Variants in PDYN observed in about 807,000 individuals in gnomAD.
PDYN encodes proenkephalin-B.
Under a neutral mutation model 11.4 loss-of-function variants are expected in PDYN, and 5 were observed. The ratio of observed to expected loss-of-function variants is 0.44; its 90% CI spans 0.23 to 0.92. The LOEUF (loss-of-function observed/expected upper bound fraction) is 0.92, where lower values mean the gene tolerates loss of function less well. Among genes scored for constraint, PDYN ranks in the 40% least tolerant of loss-of-function variants. The pLI, the probability that PDYN is intolerant of heterozygous loss-of-function variation, is 0.24. For missense variants in PDYN, 337 were observed against 317.3 expected (o/e 1.06, Z -0.47); for synonymous variants, 132 against 129.5 (o/e 1.02, Z -0.13).
At chr20:1,993,177 C>T (rs1410692843) in intron 1 of PDYN, among the ~76,000 whole-genome samples, 3 of 151,630 alleles carry the variant, frequency 2.0e-5, no homozygotes, top group Admixed American at 6.6e-5. Flanking sequence ...CTTTGAGCCT[C>T]CTCCTGGCCT....
chr20:1,979,534 C>G lies in PDYN; in HGVS notation c.*789G>C, dbSNP rs768761785. The G allele has an allele frequency of 1.3e-5, 2 of 152,490 alleles. No homozygotes were observed. The highest frequency in any genetic ancestry group is 3.9e-4 in the East Asian group (2 of 5,184). The allele number at this position is 152,490 out of a possible 1,614,324, so 9.4% of individuals were successfully genotyped here. A position where few individuals can be genotyped will look rare whatever the true frequency, so the allele number is the denominator to read the frequency against. On this transcript the variant is annotated 3_prime_UTR_variant, in exon 4 of 4. Coordinates refer to ENST00000217305, the MANE Select transcript of PDYN (RefSeq NM_024411.5). ...TCATTTAAGCATTCAAGAGGCTGCT[C>G]TCAATCATTTCCGAAAGAGGTTTTC...
Position 1,979,938 on chromosome 20 carries a change from T to C in PDYN, c.*385A>G, listed in dbSNP as rs1348897002. The C allele has an allele frequency of 6.3e-6, 2 of 316,208 alleles. No individual in the cohort carries two copies. Among genetic ancestry groups the C allele is most frequent in the African/African-American group, 2.1e-5 (1 of 46,894 alleles). The allele number at this position is 316,208 out of a possible 1,614,324, so 19.6% of individuals were successfully genotyped here. A position where few individuals can be genotyped will look rare whatever the true frequency, so the allele number is the denominator to read the frequency against. On this transcript the variant is annotated 3_prime_UTR_variant, in exon 4 of 4. Coordinates refer to ENST00000217305, the MANE Select transcript of PDYN (RefSeq NM_024411.5). ...TCTTCTAAGAGGGGCATGTGATCTG[T>C]TAAGTTTGGACATCATAGACCTACA...
intron 2 of PDYN, among the ~76,000 whole-genome samples, chr20:1,989,844 T>C (rs1988355086): frequency 6.6e-6 from 1 of 152,192 alleles, no homozygotes; most frequent in Non-Finnish European, 1.5e-5. Flanking sequence ...TCAATGACCC[T>C]GCAATGACAA....
chr20:1,990,364 T>C (rs1988379879), intron 2 of PDYN, among the ~76,000 whole-genome samples: 1 of 152,208 alleles, frequency 6.6e-6, no homozygotes, highest in South Asian at 2.1e-4. Context: ...TTTCAGAAGC[T>C]TTTGCCCCAC....
chr20:1,993,469 G>C (rs1422720627), intron 1 of PDYN, among the ~76,000 whole-genome samples: 2 of 152,280 alleles, frequency 1.3e-5, no homozygotes, highest in Admixed American at 1.3e-4. Context: ...CCAGAGCCTT[G>C]GATCTCATTA....
rs1188732419 is a variant in PDYN at position 1,980,665 on chromosome 20, T to C, written c.423A>G (p.Ala141=). The change falls in exon 4 of 4, where the codon GCA becomes GCG. Residue 141 remains alanine, a synonymous_variant. Transcript: ENST00000217305. ...RGLSDGFREG[A]ESELMRDAQL... ...GGGCATCCCTCATCAGCTCAGACTC[T>C]GCTCCCTCCCTAAACCCGTCAGAGA... 6.2e-7 allele frequency: 1 copy of C among 1,614,098 alleles called. No homozygotes were observed. Among genetic ancestry groups the C allele is most frequent in the Non-Finnish European group, 8.5e-7 (1 of 1,180,050 alleles).
intron 2 of PDYN, among the ~76,000 whole-genome samples, chr20:1,990,993 T>C (rs1485317748): frequency 8.8e-6 from 1 of 113,512 alleles, no homozygotes; most frequent in Non-Finnish European, 1.8e-5. Context: ...AGAGGACAAA[T>C]GGGAATAGAA....
chr20:1,985,703 G>A (rs60925214), intron 2 of PDYN, among the ~76,000 whole-genome samples: 136 of 152,176 alleles, frequency 8.9e-4, no homozygotes, highest in African/African-American at 3.1e-3. Flanking sequence ...TGGCAAGGTC[G>A]GCTCCCCTGA....
At chr20:1,988,262 G>A (rs1334838518) in intron 2 of PDYN, among the ~76,000 whole-genome samples, 1 of 152,210 alleles carries the variant, frequency 6.6e-6, no homozygotes, top group Non-Finnish European at 1.5e-5. Context: ...AGTTCACCTG[G>A]AGTTATGAAT....
Position 1,990,047 on chromosome 20 carries a change from C to A in PDYN, c.-20+2537G>T. Among the ~76,000 whole-genome samples the A allele has an allele frequency of 1.3e-5, 2 of 152,300 alleles. 1 individual carries two copies. Among genetic ancestry groups the A allele is most frequent in the South Asian group, 4.1e-4 (2 of 4,830 alleles). On this transcript the variant is annotated intron_variant, in intron 2 of 3. Transcript: ENST00000217305. ...CAGAGTTGGAATTCTCTAAGTCCAT[C>A]GCATTCCTCATTTAGGGTGTAGCTA...
chr20:1,980,394 G>C lies in PDYN; in HGVS notation c.694C>G (p.Arg232Gly). 1 of 1,614,070 alleles carries C rather than the reference G, an allele frequency of 6.2e-7. No individual in the cohort carries two copies. The highest frequency in any genetic ancestry group is 8.5e-7 in the Non-Finnish European group (1 of 1,180,018). The change falls in exon 4 of 4, where the codon CGC (arginine) becomes GGC (glycine). Residue 232 changes from arginine to glycine, a missense_variant. Arg to Gly is a moderately radical substitution (Grantham distance 125). Coordinates refer to ENST00000217305, the MANE Select transcript of PDYN (RefSeq NM_024411.5). ...NQKRYGGFLR[R>G]QFKVVTRSQE... ...GACCGAGTCACCACCTTGAACTGGC[G>C]CCGGAGAAAACCGCCATAGCGCTTC...
intron 3 of PDYN, among the ~76,000 whole-genome samples, chr20:1,981,183 A>G (rs1987759878): frequency 6.6e-6 from 1 of 152,230 alleles, no homozygotes; most frequent in Non-Finnish European, 1.5e-5. Flanking sequence ...GACCCAGGAC[A>G]CATGGCTGCA....
intron 2 of PDYN, among the ~76,000 whole-genome samples, chr20:1,991,943 T>C (rs1568546300): frequency 6.6e-6 from 1 of 152,112 alleles, no homozygotes; most frequent in Non-Finnish European, 1.5e-5. Flanking sequence ...CATTAGATCA[T>C]ATCTCCTGGA....
intron 1 of PDYN, chr20:1,993,698 G>A (rs1988550112): frequency 6.6e-6 from 1 of 152,228 alleles, no homozygotes; most frequent in Admixed American, 6.5e-5. Context: ...ACCTGTTTAA[G>A]CCAGGACTGT....
At position 1,980,179 on chromosome 20, in the gene PDYN, G is replaced by A; in HGVS notation, c.*144C>T. The A allele has an allele frequency of 3.5e-6, 3 of 860,404 alleles. No homozygotes were observed. The South Asian group carries it at 4.3e-5, about 12-fold the overall frequency. The allele number at this position is 860,404 out of a possible 1,614,324, so 53.3% of individuals were successfully genotyped here. ...AGAAATAACATACTCCCACGCAGAA[G>A]AGAGATAGGCTGGGCTTGGATATTT... On this transcript the variant is annotated 3_prime_UTR_variant, in exon 4 of 4. Coordinates refer to ENST00000217305, the MANE Select transcript of PDYN (RefSeq NM_024411.5).
intron 2 of PDYN, among the ~76,000 whole-genome samples, chr20:1,986,783 G>T (rs796440339): frequency 1.3e-5 from 2 of 152,292 alleles, no homozygotes; most frequent in African/African-American, 4.8e-5. Context: ...CAAACCACCT[G>T]CAATTTCAAA....
intron 3 of PDYN, among the ~76,000 whole-genome samples, chr20:1,981,783 G>T (rs1011372651): frequency 2.1e-4 from 32 of 151,976 alleles, no homozygotes; most frequent in African/African-American, 7.2e-4. Flanking sequence ...AAAATTAGCT[G>T]GGTGTGGTGG....
Position 1,983,142 on chromosome 20 carries a change from C to T in PDYN, c.-19-39G>A, listed in dbSNP as rs370900693. 1.3e-5 allele frequency: 21 copies of T among 1,560,420 alleles called. No homozygotes were observed. The African/African-American group carries it at 1.6e-4, about 12-fold the overall frequency. ...AAGAGAAGATAATGAAATCTGTGAT[C>T]ACCACTCTGTAGACTGTGTTCTGAG... On this transcript the variant is annotated intron_variant, in intron 2 of 3. Transcript: ENST00000217305.
chr20:1,988,927 C>T (rs372518858), intron 2 of PDYN, among the ~76,000 whole-genome samples: 1 of 152,148 alleles, frequency 6.6e-6, no homozygotes, highest in Non-Finnish European at 1.5e-5. Context: ...TAATACGACA[C>T]CCATGCCCCT....
Sources: allele counts gnomAD v4.1 joint callset (sites outside exome capture counted in the v4.1 genomes callset), GRCh38; gene constraint gnomAD v4.1.1; transcripts MANE v1.5; gene names NCBI Gene and HGNC (gene_info 2026-07-23, HGNC 2026-07-21).